KAZN: variants seen among roughly 807,000 people sequenced by gnomAD.
KAZN encodes the protein kazrin, periplakin interacting protein.
A neutral mutation model predicts 87.4 loss-of-function variants in KAZN; 40 were observed. That is an observed-to-expected ratio of 0.46 (90% confidence interval 0.36 to 0.60). KAZN has a LOEUF of 0.60. Ranked by LOEUF, KAZN falls within the 20% of genes least tolerant of loss-of-function variation. KAZN has a pLI of 0.00. For synonymous variants in KAZN, 466 were observed against 458.3 expected (o/e 1.02, Z -0.22); for missense variants, 898 against 1,073.9 (o/e 0.84, Z 2.29).
Position 15,112,441 on chromosome 1 carries a change from G to A in KAZN, c.2063G>A (p.Arg688Gln), listed in dbSNP as rs115347719. ...CCTCTCTTCAGCTCCACAGGCATCC[G>A]GGAGGCTGAGCGTTTTGGAACGCCC... is the stretch of plus-strand genomic sequence containing the variant. ...VFHPANSTGI[R>Q]EAERFGTPPG... The change falls in exon 14 of 15, where the codon CGG (arginine) becomes CAG (glutamine). Residue 688 changes from arginine (R) to glutamine (Q), a missense_variant. By Grantham distance (43) the Arg-to-Gln change is conservative. Transcript: ENST00000376030. 959 of 1,599,866 alleles carry A rather than the reference G, an allele frequency of 6.0e-4. 3 individuals carry two copies. In the African/African-American group the frequency reaches 8.5e-3, roughly 14 times the overall value.
At chr1:14,086,543 T>C (rs993163168) in intron 1 of KAZN, among the ~76,000 whole-genome samples, 1 of 152,256 alleles carries the variant, frequency 6.6e-6, no homozygotes, top group African/African-American at 2.4e-5. Context: ...GTTAAATTTA[T>C]CAATTGTTTC....
intron 1 of KAZN, among the ~76,000 whole-genome samples, chr1:14,098,096 G>A (rs1644169061): frequency 6.6e-6 from 1 of 151,866 alleles, no homozygotes; most frequent in Admixed American, 6.6e-5. Context: ...GGAGTCACTC[G>A]CCCAAGTCCT....
At chr1:13,959,317 A>G (rs1411840247) in intron 1 of KAZN, among the ~76,000 whole-genome samples, 1 of 152,200 alleles carries the variant, frequency 6.6e-6, no homozygotes, top group Admixed American at 6.5e-5. Flanking sequence ...TAAGCCACCC[A>G]GTGTACAGAA....
chr1:14,189,059 G>A (rs138549269), intron 2 of KAZN, among the ~76,000 whole-genome samples: 192 of 152,218 alleles, frequency 1.3e-3, no homozygotes, highest in African/African-American at 4.5e-3. Context: ...ATTTAAATCT[G>A]ACGTTGAACC....
intron 2 of KAZN, among the ~76,000 whole-genome samples, chr1:14,591,273 C>G (rs1426197466): frequency 6.6e-6 from 1 of 152,040 alleles, no homozygotes; most frequent in African/African-American, 2.4e-5. Context: ...TGATATTTCT[C>G]TGAGGGTGGA....
chr1:14,595,097 T>C (rs750844174), upstream of KAZN, among the ~76,000 whole-genome samples: 1 of 151,300 alleles, frequency 6.6e-6, no homozygotes, highest in Non-Finnish European at 1.5e-5. Context: ...TGAGCCAAGA[T>C]CACACCACTA....
At chr1:15,070,033 C>T (rs12030170) in intron 8 of KAZN, among the ~76,000 whole-genome samples, 3 of 152,200 alleles carry the variant, frequency 2.0e-5, no homozygotes, top group Admixed American at 6.5e-5. Context: ...AGAAAACAGA[C>T]GTTGAGTAAC....
chr1:14,976,120 C>CACAGCCACACACTGT (rs71306998), intron 2 of KAZN, among the ~76,000 whole-genome samples: 5 of 151,578 alleles, frequency 3.3e-5, no homozygotes, highest in Non-Finnish European at 5.9e-5. Flanking sequence ...CCGCACACTG[C>CACAGCCACACACTGT]GAGCCTGTTG....
At chr1:14,618,656 A>G (rs547407793) in intron 1 of KAZN, among the ~76,000 whole-genome samples, 2 of 152,352 alleles carry the variant, frequency 1.3e-5, no homozygotes, top group East Asian at 1.9e-4. Flanking sequence ...TCATGTGTCT[A>G]TGATATGACC....
intron 1 of KAZN, among the ~76,000 whole-genome samples, chr1:14,126,100 A>G (rs1222024053): frequency 2.0e-5 from 3 of 152,146 alleles, no homozygotes; most frequent in Non-Finnish European, 2.9e-5. Context: ...TCTGGTTTAT[A>G]TATGTAGCAG....
At chr1:14,315,857 A>G (rs781268776) in intron 2 of KAZN, among the ~76,000 whole-genome samples, 20 of 152,046 alleles carry the variant, frequency 1.3e-4, no homozygotes, top group Non-Finnish European at 2.5e-4. Context: ...GGTTGCTGTA[A>G]ACATTCATGT....
chr1:14,505,484 T>TG (rs1003841284), intron 2 of KAZN, among the ~76,000 whole-genome samples: 5 of 152,146 alleles, frequency 3.3e-5, no homozygotes, highest in African/African-American at 1.2e-4. Context: ...TCACTAGGGT[T>TG]GAAGACATCA....
intron 2 of KAZN, among the ~76,000 whole-genome samples, chr1:14,440,838 G>A (rs1166879352): frequency 2.0e-5 from 3 of 152,152 alleles, no homozygotes; most frequent in Non-Finnish European, 2.9e-5. Context: ...GTTAAGTCAG[G>A]TGTCCAGGTC....
intron 1 of KAZN, among the ~76,000 whole-genome samples, chr1:14,933,599 G>GA (rs1660099144): frequency 6.8e-6 from 1 of 147,756 alleles, no homozygotes; most frequent in South Asian, 2.1e-4. Context: ...ATTAAAATCA[G>GA]CACCTTGATA....
chr1:14,052,627 C>CT, intron 1 of KAZN, among the ~76,000 whole-genome samples: 1 of 152,064 alleles, frequency 6.6e-6, no homozygotes, highest in East Asian at 1.9e-4. Flanking sequence ...CCTACTCCAG[C>CT]TGTCTGAGAG....
At chr1:14,368,399 G>C (rs1289641032) in intron 2 of KAZN, among the ~76,000 whole-genome samples, 2 of 152,176 alleles carry the variant, frequency 1.3e-5, no homozygotes, top group Non-Finnish European at 2.9e-5. Flanking sequence ...CGTGTTTGTT[G>C]TCAGAGTGTT....
At chr1:14,985,324 GT>G (rs1197044139) in intron 2 of KAZN, among the ~76,000 whole-genome samples, 1 of 148,446 alleles carries the variant, frequency 6.7e-6, no homozygotes, top group African/African-American at 2.5e-5. Context: ...GAGCTGAGGA[GT>G]TTGAGACCAG....
At chr1:14,495,613 T>G (rs1218423252) in intron 2 of KAZN, among the ~76,000 whole-genome samples, 1 of 151,988 alleles carries the variant, frequency 6.6e-6, no homozygotes, top group Non-Finnish European at 1.5e-5. Flanking sequence ...AGTCAGAATT[T>G]TAGTTTGACA....
At chr1:14,257,971 A>G (rs71629872) in intron 2 of KAZN, among the ~76,000 whole-genome samples, 23,324 of 132,476 alleles carry the variant, frequency 0.18, 2,531 homozygotes, top group Middle Eastern at 0.27. Context: ...AAAAAAAAAA[A>G]AGAGAAAAAA....
Sources: allele counts gnomAD v4.1 joint callset (sites outside exome capture counted in the v4.1 genomes callset), GRCh38; gene constraint gnomAD v4.1.1; transcripts MANE v1.5; gene names NCBI Gene and HGNC (gene_info 2026-07-23, HGNC 2026-07-21).